The following PTPN13 variants were observed in gnomAD, a reference collection of about 807,000 sequenced individuals.
PTPN13 encodes the protein protein tyrosine phosphatase non-receptor type 13, also known as tyrosine-protein phosphatase non-receptor type 13.
In PTPN13, 191 loss-of-function variants were observed where a neutral mutation model predicts 284.0. The observed-to-expected ratio is 0.67, with a 90% confidence interval of 0.60 to 0.76. The LOEUF (loss-of-function observed/expected upper bound fraction) is 0.76, where lower values mean the gene tolerates loss of function less well. Ranked by LOEUF, PTPN13 falls within the 30% of genes least tolerant of loss-of-function variation. PTPN13 has a pLI of 0.00. For missense variants in PTPN13, 2,797 were observed against 2,939.9 expected, an observed-to-expected ratio of 0.95 and a Z score of 1.12; for synonymous variants, 986 against 1,022.3, an observed-to-expected ratio of 0.96 and a Z score of 0.68.
intron 2 of PTPN13, among the ~76,000 whole-genome samples, chr4:86,652,925 A>C (rs559940804): frequency 5.9e-4 from 90 of 151,472 alleles, no homozygotes; most frequent in Non-Finnish European, 1.1e-3. Context: ...GCCATGCTTT[A>C]TTCTTTTTTA....
At chr4:86,783,415 G>T (rs1741554310) in intron 37 of PTPN13, among the ~76,000 whole-genome samples, 1 of 152,022 alleles carries the variant, frequency 6.6e-6, no homozygotes, top group Non-Finnish European at 1.5e-5. Context: ...TTCTTTTTAA[G>T]TAATCAGTAT....
Position 86,750,673 on chromosome 4 carries a change from GAGA to G in PTPN13, c.2859_2861del (p.Lys953del), listed in dbSNP as rs750747069. On this transcript the variant is annotated inframe_deletion, in exon 18 of 48. Coordinates refer to ENST00000411767, the MANE Select transcript of PTPN13 (RefSeq NM_080683.3). Reference sequence around the variant, plus strand: ...CCAGCCATTGCAAAACAGTTCAAAAGAGAAGAATGACAAAGCTTCATGGGAGGA... The same window carrying G: ...CCAGCCATTGCAAAACAGTTCAAAAGAGAATGACAAAGCTTCATGGGAGGA... 2 of 1,613,938 alleles carry G rather than the reference GAGA, an allele frequency of 1.2e-6. No individual in the cohort carries two copies. Among genetic ancestry groups the G allele is most frequent in the South Asian group, 1.1e-5 (1 of 91,076 alleles).
At chr4:86,752,545 C>T (rs1578577173) in intron 19 of PTPN13, among the ~76,000 whole-genome samples, 1 of 152,084 alleles carries the variant, frequency 6.6e-6, no homozygotes, top group African/African-American at 2.4e-5. Flanking sequence ...TATAACGGGG[C>T]CTCATACATT....
chr4:86,603,090 A>G (rs898229024), intron 1 of PTPN13, among the ~76,000 whole-genome samples: 5 of 152,170 alleles, frequency 3.3e-5, no homozygotes, highest in Non-Finnish European at 7.4e-5. Context: ...TTTTGGTGGT[A>G]TATCTCTTCT....
chr4:86,757,159 G>C (rs1375822792), intron 20 of PTPN13, among the ~76,000 whole-genome samples: 1 of 152,282 alleles, frequency 6.6e-6, no homozygotes, highest in East Asian at 1.9e-4. Flanking sequence ...ATTGGTTTCA[G>C]AAGTTAATTG....
At chr4:86,775,673 A>G (rs1163117478) in intron 35 of PTPN13, 21 bp downstream of exon 35, 1 of 1,575,770 alleles carries the variant, frequency 6.3e-7, no homozygotes, top group Non-Finnish European at 8.7e-7. Flanking sequence ...ATTATTTATG[A>G]GTTTTGATTG....
intron 45 of PTPN13, among the ~76,000 whole-genome samples, chr4:86,809,433 C>T (rs1231997325): frequency 6.6e-6 from 1 of 152,138 alleles, no homozygotes; most frequent in Non-Finnish European, 1.5e-5. Context: ...CACAGTGGCT[C>T]ACGCCTGTAA....
At chr4:86,639,684 TG>T (rs1302711701) in intron 2 of PTPN13, among the ~76,000 whole-genome samples, 1 of 87,542 alleles carries the variant, frequency 1.1e-5, no homozygotes, top group African/African-American at 4.6e-5. Flanking sequence ...TGTTGTGGGG[TG>T]GGGGGAAGGG....
chr4:86,736,325 G>C (rs546687815), intron 15 of PTPN13, among the ~76,000 whole-genome samples: 1 of 152,142 alleles, frequency 6.6e-6, no homozygotes, highest in African/African-American at 2.4e-5. Context: ...AAGAAAAATA[G>C]TATTATGTAA....
chr4:86,596,088 T>G (rs1472549985), intron 1 of PTPN13, among the ~76,000 whole-genome samples: 1 of 152,210 alleles, frequency 6.6e-6, no homozygotes. Flanking sequence ...CAATCTTGTT[T>G]ATTATACTTT....
intron 7 of PTPN13, among the ~76,000 whole-genome samples, chr4:86,704,901 A>G (rs983378900): frequency 6.6e-6 from 1 of 152,204 alleles, no homozygotes; most frequent in Non-Finnish European, 1.5e-5. Flanking sequence ...GCAGCAATAA[A>G]TTATGTTTGC....
chr4:86,694,375 G>A (rs1406328973), intron 6 of PTPN13, among the ~76,000 whole-genome samples: 1 of 151,794 alleles, frequency 6.6e-6, no homozygotes, highest in East Asian at 1.9e-4. Context: ...GAGGTCAGGA[G>A]TTCGAGACCA....
At chr4:86,647,574 A>T (rs1724587403) in intron 2 of PTPN13, among the ~76,000 whole-genome samples, 1 of 152,064 alleles carries the variant, frequency 6.6e-6, no homozygotes, top group Non-Finnish European at 1.5e-5. Flanking sequence ...ACATTTTTAA[A>T]AATGAGAAAA....
chr4:86,752,649 ACT>A (rs1737528984), intron 19 of PTPN13, among the ~76,000 whole-genome samples: 1 of 151,992 alleles, frequency 6.6e-6, no homozygotes, highest in Non-Finnish European at 1.5e-5. Context: ...AACATAAAAC[ACT>A]CTTAAAGGAA....
rs112695155 is a variant in PTPN13, at chr4:86,772,276, C to T, written c.5169-502C>T. Among the ~76,000 whole-genome samples the T allele has an allele frequency of 1.2e-3, 186 of 152,154 alleles. 2 individuals carry two copies. Among genetic ancestry groups the T allele is most frequent in the African/African-American group, 4.2e-3 (174 of 41,512 alleles). ...AGCTTCATCAAAATAGAACCTAGGC[C>T]GGCGCGATGGCTCACGTCTGTAATC... On this transcript the variant is annotated intron_variant, in intron 31 of 47. Transcript: ENST00000411767.
intron 46 of PTPN13, 84 bp downstream of exon 46, chr4:86,810,068 G>T: frequency 1.8e-6 from 2 of 1,116,466 alleles, no homozygotes; most frequent in East Asian, 5.3e-5. Flanking sequence ...GTGATCTTGG[G>T]ATATTTTAAC....
At chr4:86,745,634 G>T (rs910167752) in intron 17 of PTPN13, among the ~76,000 whole-genome samples, 2 of 152,268 alleles carry the variant, frequency 1.3e-5, no homozygotes, top group East Asian at 3.9e-4. Flanking sequence ...AAATCAGCCA[G>T]GCGTGTTGCC....
chr4:86,701,570 C>T lies in PTPN13; in HGVS notation c.964C>T (p.Arg322Cys), dbSNP rs142650503. 2.3e-4 allele frequency: 369 copies of T among 1,613,796 alleles called. 1 individual carries two copies. The African/African-American group carries it at 4.3e-3, about 19-fold the overall frequency. Residue 322 changes from arginine (R) to cysteine (C), a missense_variant, in exon 7 of 48, where the codon CGT becomes TGT. Transcript: ENST00000411767. ...CTCTTCAGGAGAGACTGCCACATAT[C>T]GTCGTTGTCACCCTGAGGCAGTAAC... ...DFSSGETATYRRCHPEAVTVR... is the reference protein window; with the variant it reads ...DFSSGETATYCRCHPEAVTVR...
chr4:86,611,098 T>C (rs537940274), intron 1 of PTPN13, among the ~76,000 whole-genome samples: 1 of 152,164 alleles, frequency 6.6e-6, no homozygotes, highest in African/African-American at 2.4e-5. Flanking sequence ...TCTTCCTTTT[T>C]CCTACTTTCA....
Sources: gnomAD v4.1 joint callset for allele counts (sites outside exome capture counted in the v4.1 genomes callset) on GRCh38, gnomAD v4.1.1 for gene constraint, MANE v1.5 for transcripts, NCBI Gene and HGNC (gene_info 2026-07-23, HGNC 2026-07-21) for gene names.